ZNF556: variants seen among roughly 807,000 people sequenced by gnomAD.
The protein encoded by ZNF556 is zinc finger protein 556.
In ZNF556, 11 loss-of-function variants were observed where a neutral mutation model predicts 13.6. That is an observed-to-expected ratio of 0.81 (90% CI 0.51 to 1.33). ZNF556 has a LOEUF of 1.33. Among genes scored for constraint, ZNF556 ranks in the 40% most tolerant of loss-of-function variants. The probability of loss-of-function intolerance (pLI) is 0.00; values close to 1 mark genes in which losing one functional copy is unlikely to be tolerated. For synonymous variants in ZNF556, 229 were observed against 207.8 expected (o/e 1.10, Z -0.88); for missense variants, 633 against 566.2 (o/e 1.12, Z -1.20).
chr19:2,876,253 C>A lies in ZNF556; in HGVS notation c.291C>A (p.His97Gln). Residue 97 changes from histidine (H) to glutamine (Q), a missense_variant, in exon 3 of 4, where the codon CAC becomes CAA. His to Gln is a conservative substitution (Grantham distance 24). Transcript: ENST00000307635. ...AAGAACATAGCGTTAAAGACAAGCA[C>A]AACACCAAGGAGAGACATTTGAGGT... is the stretch of plus-strand genomic sequence containing the variant. ...NWEEHSVKDKHNTKERHLSRN... is the reference protein window; with the variant it reads ...NWEEHSVKDKQNTKERHLSRN... The A allele has an allele frequency of 6.2e-7, 1 of 1,601,076 alleles. No individual in the cohort carries two copies. The highest frequency in any genetic ancestry group is 1.1e-5 in the South Asian group (1 of 88,056).
chr19:2,867,994 A>G (rs938486024), intron 1 of ZNF556, among the ~76,000 whole-genome samples: 3 of 152,258 alleles, frequency 2.0e-5, no homozygotes, highest in African/African-American at 4.8e-5. Context: ...AATGGAACAT[A>G]CAGTAAATAA....
At chr19:2,872,601 C>T (rs487458) in intron 1 of ZNF556, among the ~76,000 whole-genome samples, 101,764 of 151,916 alleles carry the variant, frequency 0.67, 35,918 homozygotes, top group African/African-American at 0.89. Flanking sequence ...ACTATTCTTA[C>T]TTGATATTTT....
rs199814405 is a variant in ZNF556, at chr19:2,877,999, C to T, written c.1041C>T (p.Ser347=). ...HAKKKPVSGG[S]VGKSSARPRP... is the part of the protein sequence containing the mutation. ...AAAAGAAACCTGTGAGTGGGGGCAG[C>T]GTGGGAAAGTCTTCCGCGAGGCCTC... is the stretch of plus-strand genomic sequence containing the variant. Residue 347 remains serine (S), a synonymous_variant, in exon 4 of 4, where the codon AGC becomes AGT. Coordinates refer to ENST00000307635, the MANE Select transcript of ZNF556 (RefSeq NM_024967.3). The T allele has an allele frequency of 1.1e-5, 18 of 1,613,918 alleles. No individual in the cohort carries two copies. Among genetic ancestry groups the T allele is most frequent in the Middle Eastern group, 1.7e-4 (1 of 6,060 alleles).
chr19:2,878,984 C>T lies in ZNF556; in HGVS notation c.*655C>T, dbSNP rs1342250868. The T allele has an allele frequency of 1.3e-5, 2 of 151,816 alleles. No homozygotes were observed. The highest frequency in any genetic ancestry group is 6.6e-5 in the Admixed American group (1 of 15,212). 9.4% of individuals were successfully genotyped at this position (151,816 alleles called of 1,614,324 possible). On this transcript the variant is annotated 3_prime_UTR_variant, in exon 4 of 4. Coordinates refer to ENST00000307635, the MANE Select transcript of ZNF556 (RefSeq NM_024967.3). ...ATTTTTATATATTTTTTTTGTTACT[C>T]CGTGTGAGGCCATTAGACCAATGAA...
chr19:2,871,384 T>A (rs954001088), intron 1 of ZNF556, among the ~76,000 whole-genome samples: 1 of 152,172 alleles, frequency 6.6e-6, no homozygotes, highest in African/African-American at 2.4e-5. Context: ...GAAGAGTGAT[T>A]GCCTGCGGCT....
At chr19:2,868,099 C>A (rs1315412724) in intron 1 of ZNF556, among the ~76,000 whole-genome samples, 4 of 152,070 alleles carry the variant, frequency 2.6e-5, no homozygotes, top group Admixed American at 6.5e-5. Flanking sequence ...TTCTAGCGTG[C>A]CTTTTTTTTT....
At chr19:2,874,010 A>C (rs1316802064) in intron 2 of ZNF556, among the ~76,000 whole-genome samples, 1 of 150,546 alleles carries the variant, frequency 6.6e-6, no homozygotes, top group Non-Finnish European at 1.5e-5. Flanking sequence ...TCATCTCAGC[A>C]CTTTGGGAGG....
At chr19:2,874,600 C>T (rs1236080203) in intron 2 of ZNF556, among the ~76,000 whole-genome samples, 1 of 151,608 alleles carries the variant, frequency 6.6e-6, no homozygotes, top group East Asian at 1.9e-4. Flanking sequence ...AAAAATTAGC[C>T]AGGTGTGGCG....
At position 2,869,874 on chromosome 19, in the gene ZNF556, G is replaced by A. The variant is rs202010179; in HGVS notation, c.3+2450G>A. 6.6e-5 allele frequency among the ~76,000 whole-genome samples: 10 copies of A among 152,068 alleles called. No homozygotes were observed. The East Asian group carries it at 1.5e-3, about 23-fold the overall frequency. On this transcript the variant is annotated intron_variant, in intron 1 of 3. Transcript: ENST00000307635. Reference sequence around the variant, plus strand: ...CACTCAGAGCCAAAGTCCTTACTGTGGCTGATGAGTTCCCCACAAAGTGAT... The same window carrying A: ...CACTCAGAGCCAAAGTCCTTACTGTAGCTGATGAGTTCCCCACAAAGTGAT...
rs1001321787 is a variant in ZNF556, at chr19:2,879,001, A to C, written c.*672A>C. 1 of 152,150 alleles carries C rather than the reference A, an allele frequency of 6.6e-6. No homozygotes were observed. The highest frequency in any genetic ancestry group is 2.4e-5 in the African/African-American group (1 of 41,430). 9.4% of individuals were successfully genotyped at this position (152,150 alleles called of 1,614,324 possible). ...TTGTTACTCCGTGTGAGGCCATTAG[A>C]CCAATGAAATATGGGTGTTTGTTGA... On this transcript the variant is annotated 3_prime_UTR_variant, in exon 4 of 4. Transcript: ENST00000307635.
In ZNF556 at chr19:2,877,911, G is replaced by A. The variant is rs201960772; in HGVS notation, c.953G>A (p.Gly318Glu). ...IHNGEKPYKC[G>E]KCGKAFGWPS... is the part of the protein sequence containing the mutation. ...AACGGGGAGAAACCCTATAAGTGTG[G>A]AAAATGCGGGAAAGCATTCGGTTGG... The change falls in exon 4 of 4, where the codon GGA becomes GAA. Residue 318 changes from glycine (G) to glutamate (E), a missense_variant. Transcript: ENST00000307635. 2 of 1,614,154 alleles carry A rather than the reference G, an allele frequency of 1.2e-6. No homozygotes were observed. The highest frequency in any genetic ancestry group is 1.6e-4 in the Middle Eastern group (1 of 6,062).
chr19:2,875,782 G>A (rs1446676535), intron 2 of ZNF556, among the ~76,000 whole-genome samples: 5 of 151,424 alleles, frequency 3.3e-5, no homozygotes, highest in East Asian at 2.0e-4. Flanking sequence ...GGCCAATATG[G>A]TGAAACCCCG....
At position 2,881,942 on chromosome 19, in the gene ZNF556, A is replaced by G. The variant is rs2087907407; in HGVS notation, c.*3613A>G. 6.6e-6 allele frequency: 1 copy of G among 151,538 alleles called. No individual in the cohort carries two copies. Among genetic ancestry groups the G allele is most frequent in the South Asian group, 2.1e-4 (1 of 4,800 alleles). The allele number at this position is 151,538 out of a possible 1,614,324, so 9.4% of individuals were successfully genotyped here. A position where few individuals can be genotyped will look rare whatever the true frequency, so the allele number is the denominator to read the frequency against. Reference sequence around the variant, plus strand: ...GGGCACATAGTGAGACACAGTCTCTATAAAAAGAAATTTTTAAAAGTATCT... The same window carrying G: ...GGGCACATAGTGAGACACAGTCTCTGTAAAAAGAAATTTTTAAAAGTATCT... On this transcript the variant is annotated 3_prime_UTR_variant, in exon 4 of 4. Transcript: ENST00000307635.
rs549648007 is a variant in ZNF556, at chr19:2,869,560, G to A, written c.3+2136G>A. ...TTTTTTGTACTTTAGTGGAGACGGG[G>A]TTTCACCTTGTCAGCCAGGATGGTC... On this transcript the variant is annotated intron_variant, in intron 1 of 3. Coordinates refer to ENST00000307635, the MANE Select transcript of ZNF556 (RefSeq NM_024967.3). Among the ~76,000 whole-genome samples the A allele has an allele frequency of 3.5e-3, 529 of 152,116 alleles. 5 individuals are homozygous for A. Among genetic ancestry groups the A allele is most frequent in the African/African-American group, 0.012 (508 of 41,474 alleles).
chr19:2,877,203 T>G, intron 3 of ZNF556, 70 bp from the exon 4 acceptor site: 2 of 1,317,618 alleles, frequency 1.5e-6, no homozygotes, highest in Non-Finnish European at 2.1e-6. Flanking sequence ...AGAGCAAAAC[T>G]CCATCTCAAG....
rs1024258623 is a variant in ZNF556 at position 2,879,056 on chromosome 19, G to A, written c.*727G>A. 6.6e-6 allele frequency: 1 copy of A among 152,100 alleles called. No individual in the cohort carries two copies. Among genetic ancestry groups the A allele is most frequent in the African/African-American group, 2.4e-5 (1 of 41,414 alleles). 9.4% of individuals were successfully genotyped at this position (152,100 alleles called of 1,614,324 possible). A position where few individuals can be genotyped will look rare whatever the true frequency, so the allele number is the denominator to read the frequency against. The stretch of plus-strand genomic sequence containing the variant: ...TTCTGACTGGCCCTGTGTGTTCCAA[G>A]CTGGATATTACTACCATGTTACTTT... On this transcript the variant is annotated 3_prime_UTR_variant, in exon 4 of 4. Transcript: ENST00000307635.
In ZNF556 at chr19:2,877,957, C is replaced by T. The variant is rs758751066; in HGVS notation, c.999C>T (p.His333=). ...AFGWPSSLHK[H]ARTHAKKKPV... ...GTTGGCCCTCATCCTTACACAAACA[C>T]GCGAGAACGCATGCTAAAAAGAAAC... Residue 333 remains histidine, a synonymous_variant, in exon 4 of 4, where the codon CAC becomes CAT. Transcript: ENST00000307635. The T allele has an allele frequency of 2.2e-5, 36 of 1,613,934 alleles. 1 individual carries two copies. Among genetic ancestry groups the T allele is most frequent in the South Asian group, 1.9e-4 (17 of 91,088 alleles).
intron 1 of ZNF556, 82 bp downstream of exon 1, chr19:2,867,506 C>T (rs758582511): frequency 2.2e-4 from 348 of 1,549,914 alleles, no homozygotes; most frequent in Admixed American, 4.7e-4. Context: ...CTGAAACTCC[C>T]GGGGGAGCCG....
rs2087902889 is a variant in ZNF556 at position 2,881,268 on chromosome 19, A to C, written c.*2939A>C. On this transcript the variant is annotated 3_prime_UTR_variant, in exon 4 of 4. Coordinates refer to ENST00000307635, the MANE Select transcript of ZNF556 (RefSeq NM_024967.3). ...AAAAGACATAAAAAGATAACTAATA[A>C]AACAAGTTTAAACTTTATTGGAGCC... The C allele has an allele frequency of 6.6e-6, 1 of 152,192 alleles. No homozygotes were observed. The highest frequency in any genetic ancestry group is 1.5e-5 in the Non-Finnish European group (1 of 68,048). The allele number at this position is 152,192 out of a possible 1,614,324, so 9.4% of individuals were successfully genotyped here. A position where few individuals can be genotyped will look rare whatever the true frequency, so the allele number is the denominator to read the frequency against.
Sources: allele counts gnomAD v4.1 joint callset (sites outside exome capture counted in the v4.1 genomes callset), GRCh38; gene constraint gnomAD v4.1.1; transcripts MANE v1.5; gene names NCBI Gene and HGNC (gene_info 2026-07-23, HGNC 2026-07-21).